Variants in USP49 observed in about 807,000 individuals in gnomAD.
USP49 encodes ubiquitin carboxyl-terminal hydrolase 49.
In USP49, 24 loss-of-function variants were observed where a neutral mutation model predicts 58.6. That is an observed-to-expected ratio of 0.41 (90% CI 0.30 to 0.58). USP49 has a LOEUF of 0.58. Among genes scored for constraint, USP49 ranks in the 20% least tolerant of loss-of-function variants. The pLI, the probability that USP49 is intolerant of heterozygous loss-of-function variation, is 0.30. For missense variants in USP49, 703 were observed against 866.1 expected (o/e 0.81, Z 2.36); for synonymous variants, 408 against 365.1 (o/e 1.12, Z -1.34).
intron 3 of USP49, among the ~76,000 whole-genome samples, chr6:41,854,259 G>A (rs1484223296): frequency 6.8e-6 from 1 of 146,960 alleles, no homozygotes; most frequent in African/African-American, 2.5e-5. Flanking sequence ...GGAGGTTGCA[G>A]TGAGCCAAGA....
intron 3 of USP49, among the ~76,000 whole-genome samples, chr6:41,834,856 A>G (rs1773698624): frequency 6.6e-6 from 1 of 152,248 alleles, no homozygotes; most frequent in Non-Finnish European, 1.5e-5. Flanking sequence ...GGACTAATAC[A>G]GTAAGTATTC....
chr6:41,804,541 C>A (rs755375623), intron 4 of USP49, among the ~76,000 whole-genome samples: 18 of 152,198 alleles, frequency 1.2e-4, no homozygotes, highest in Non-Finnish European at 2.4e-4. Context: ...CCCAGGTGCA[C>A]CTTTCTTCCT....
intron 7 of USP49, chr6:41,797,594 C>A (rs1438243824): frequency 2.4e-5 from 24 of 985,298 alleles, no homozygotes; most frequent in Non-Finnish European, 2.9e-5. Flanking sequence ...GCCCTTGCAT[C>A]CCCACACTTC....
chr6:41,895,352 C>T lies in USP49; in HGVS notation c.-213G>A, dbSNP rs983202969. ...CATCATCAGCACGCGCGAGCTGTCA[C>T]CAGGGCGCGAGACAACCGAACACGG... On this transcript the variant is annotated 5_prime_UTR_variant, in exon 1 of 8. In the 5' UTR this introduces an upstream ATG that the reference lacks. Coordinates refer to ENST00000682992, the MANE Select transcript of USP49 (RefSeq NM_001286554.2). The T allele has an allele frequency of 8.0e-5, 12 of 149,698 alleles. No individual in the cohort carries two copies. The highest frequency in any genetic ancestry group is 6.0e-5 in the Non-Finnish European group (4 of 67,058). 9.3% of individuals were successfully genotyped at this position (149,698 alleles called of 1,614,324 possible). A position where few individuals can be genotyped will look rare whatever the true frequency, so the allele number is the denominator to read the frequency against.
intron 2 of USP49, among the ~76,000 whole-genome samples, chr6:41,884,237 A>C (rs9471685): frequency 0.49 from 74,203 of 151,836 alleles, 18,221 homozygotes; most frequent in Middle Eastern, 0.51. Context: ...GCTGGCCAGG[A>C]TGGTTTCGAA....
At chr6:41,856,556 A>G (rs1457968037) in intron 3 of USP49, among the ~76,000 whole-genome samples, 1 of 152,202 alleles carries the variant, frequency 6.6e-6, no homozygotes, top group African/African-American at 2.4e-5. Context: ...GCAACTTCAA[A>G]TGATACAGCA....
rs9471663 is a variant in USP49, at chr6:41,802,371, G to T, written c.1561+1435C>A. On this transcript the variant is annotated intron_variant, in intron 5 of 7. Coordinates refer to ENST00000682992, the MANE Select transcript of USP49 (RefSeq NM_001286554.2). ...TCTGATTCTTCAAAGAGCGGAACAG[G>T]TTTCCCACAATTTATTTTATTTTAT... Among the ~76,000 whole-genome samples the T allele has an allele frequency of 7.6e-3, 949 of 124,112 alleles. 9 individuals are homozygous for T. Among genetic ancestry groups the T allele is most frequent in the African/African-American group, 0.022 (827 of 37,506 alleles). 81.4% of individuals were successfully genotyped at this position (124,112 alleles called of 152,430 possible). A position where few individuals can be genotyped will look rare whatever the true frequency, so the allele number is the denominator to read the frequency against.
intron 3 of USP49, among the ~76,000 whole-genome samples, chr6:41,816,275 A>G (rs1483064524): frequency 1.3e-5 from 2 of 152,184 alleles, no homozygotes; most frequent in South Asian, 4.1e-4. Context: ...CCTCCTCACA[A>G]TTCACTCCTT....
At chr6:41,826,261 A>AC (rs1451357465) in intron 3 of USP49, among the ~76,000 whole-genome samples, 1 of 152,198 alleles carries the variant, frequency 6.6e-6, no homozygotes, top group East Asian at 1.9e-4. Context: ...AGCAAGTGAG[A>AC]CCCCATCTCA....
intron 2 of USP49, among the ~76,000 whole-genome samples, chr6:41,885,494 T>G (rs1774693216): frequency 6.6e-6 from 1 of 152,100 alleles, no homozygotes; most frequent in South Asian, 2.1e-4. Flanking sequence ...ATCTCAGATT[T>G]AGATTACTGA....
chr6:41,883,623 A>AAAATAAAT (rs113215092), intron 2 of USP49, among the ~76,000 whole-genome samples: 97 of 150,640 alleles, frequency 6.4e-4, no homozygotes, highest in South Asian at 3.4e-3. Context: ...ACTCCATCTC[A>AAAATAAAT]AAATAAATAA....
chr6:41,810,197 T>C (rs1248159219), intron 3 of USP49, among the ~76,000 whole-genome samples: 2 of 150,980 alleles, frequency 1.3e-5, no homozygotes, highest in Non-Finnish European at 2.9e-5. Flanking sequence ...AATAATAAAA[T>C]AGGCCGGGTG....
At chr6:41,885,078 T>G (rs1275616227) in intron 2 of USP49, among the ~76,000 whole-genome samples, 1 of 152,244 alleles carries the variant, frequency 6.6e-6, no homozygotes, top group Non-Finnish European at 1.5e-5. Flanking sequence ...TTTTCTACTT[T>G]ATTTGTTCTA....
At chr6:41,833,183 A>T (rs1208895734) in intron 3 of USP49, among the ~76,000 whole-genome samples, 1 of 150,410 alleles carries the variant, frequency 6.6e-6, no homozygotes, top group Non-Finnish European at 1.5e-5. Context: ...TGCCCGGCGA[A>T]TTTTTTGTAT....
intron 1 of USP49, among the ~76,000 whole-genome samples, chr6:41,892,340 G>T (rs374289973): frequency 1.2e-4 from 18 of 152,170 alleles, no homozygotes; most frequent in Non-Finnish European, 2.1e-4. Flanking sequence ...TACTACTAAC[G>T]CCAGCCCAAA....
chr6:41,820,379 A>G (rs918360155), intron 3 of USP49, among the ~76,000 whole-genome samples: 3 of 152,016 alleles, frequency 2.0e-5, no homozygotes, highest in African/African-American at 7.2e-5. Context: ...CCTCCCTACC[A>G]CCACCCTTAG....
At chr6:41,839,135 G>A (rs559815468) in intron 3 of USP49, among the ~76,000 whole-genome samples, 1 of 151,838 alleles carries the variant, frequency 6.6e-6, no homozygotes, top group Non-Finnish European at 1.5e-5. Flanking sequence ...GTCCTGGTGT[G>A]GTGGTTCATG....
intron 3 of USP49, among the ~76,000 whole-genome samples, chr6:41,846,868 T>G (rs1199672822): frequency 6.6e-6 from 1 of 152,220 alleles, no homozygotes; most frequent in African/African-American, 2.4e-5. Context: ...GACTGATTTC[T>G]ATCTCATATG....
chr6:41,855,087 A>C (rs1353531985), intron 3 of USP49, among the ~76,000 whole-genome samples: 1 of 151,652 alleles, frequency 6.6e-6, no homozygotes, highest in African/African-American at 2.4e-5. Flanking sequence ...GAGCCTTTTA[A>C]TCTTATAATT....
Sources: gnomAD v4.1 joint callset for allele counts (sites outside exome capture counted in the v4.1 genomes callset) on GRCh38, gnomAD v4.1.1 for gene constraint, MANE v1.5 for transcripts, NCBI Gene and HGNC (gene_info 2026-07-23, HGNC 2026-07-21) for gene names.